The following CSMD1 variants were observed in gnomAD, a reference collection of about 807,000 sequenced individuals.
The protein encoded by CSMD1 is CUB and Sushi multiple domains 1, also known as CUB and sushi domain-containing protein 1.
In CSMD1, 213 loss-of-function variants were observed where a neutral mutation model predicts 417.5. That is an observed-to-expected ratio of 0.51 (90% CI 0.46 to 0.57). The LOEUF is 0.57. CSMD1 is among the 20% of genes least tolerant of loss of function. The probability of loss-of-function intolerance (pLI) is 0.00; values close to 1 mark genes in which losing one functional copy is unlikely to be tolerated. For synonymous variants in CSMD1, 2,862 were observed against 1,736.8 expected, an observed-to-expected ratio of 1.65 and a Z score of -16.11; for missense variants, 6,923 against 4,529.7, an observed-to-expected ratio of 1.53 and a Z score of -15.17.
intron 1 of CSMD1, among the ~76,000 whole-genome samples, chr8:4,862,691 A>G (rs992404593): frequency 3.3e-5 from 5 of 152,088 alleles, no homozygotes; most frequent in African/African-American, 9.7e-5. Context: ...TTACTGAGAT[A>G]AGCAAGGCCA....
At chr8:3,909,753 C>T (rs1254009912) in intron 5 of CSMD1, among the ~76,000 whole-genome samples, 1 of 152,098 alleles carries the variant, frequency 6.6e-6, no homozygotes, top group East Asian at 1.9e-4. Flanking sequence ...GGTCTTGACT[C>T]TGGAGCTAAT....
intron 3 of CSMD1, among the ~76,000 whole-genome samples, chr8:4,333,783 C>G (rs557946658): frequency 4.6e-5 from 7 of 152,244 alleles, no homozygotes; most frequent in East Asian, 1.9e-4. Flanking sequence ...TGACCTGGGT[C>G]TGCCCCTGGA....
chr8:4,128,628 C>G (rs1245056661), intron 3 of CSMD1, among the ~76,000 whole-genome samples: 1 of 152,148 alleles, frequency 6.6e-6, no homozygotes, highest in Non-Finnish European at 1.5e-5. Context: ...GCTTTTTCCT[C>G]TTGAAGCTTT....
In CSMD1 at chr8:4,443,975, G is replaced by A. The variant is rs115056407; in HGVS notation, c.303-23910C>T. ...TGTGATATAATTACCTGTGATATGA[G>A]GTGAAAATGTACAAACGGAGTAAGA... On this transcript the variant is annotated intron_variant, in intron 2 of 69. Coordinates refer to ENST00000635120, the MANE Select transcript of CSMD1 (RefSeq NM_033225.6). Among the ~76,000 whole-genome samples, 793 of 152,206 alleles carry A rather than the reference G, an allele frequency of 5.2e-3. 4 individuals carry two copies. Among genetic ancestry groups the A allele is most frequent in the African/African-American group, 0.018 (743 of 41,524 alleles).
intron 3 of CSMD1, among the ~76,000 whole-genome samples, chr8:4,417,804 G>T (rs1163455889): frequency 6.6e-6 from 1 of 151,816 alleles, no homozygotes; most frequent in African/African-American, 2.4e-5. Context: ...ATATATACAT[G>T]TACAAATTGG....
At chr8:3,155,150 A>C (rs951148570) in intron 39 of CSMD1, among the ~76,000 whole-genome samples, 1 of 152,044 alleles carries the variant, frequency 6.6e-6, no homozygotes, top group Non-Finnish European at 1.5e-5. Flanking sequence ...TATGTAATAC[A>C]AAGTGACAGC....
At position 3,488,308 on chromosome 8, in the gene CSMD1, C is replaced by T. The variant is rs564267038; in HGVS notation, c.1448+5315G>A. ...TTTTTTGTAGAGACGGAGTTTCATCCTGTTGCCCAGGTTGGTCTCAAACTT... is the reference window on the plus strand; with the variant it reads ...TTTTTTGTAGAGACGGAGTTTCATCTTGTTGCCCAGGTTGGTCTCAAACTT... On this transcript the variant is annotated intron_variant, in intron 11 of 69. Coordinates refer to ENST00000635120, the MANE Select transcript of CSMD1 (RefSeq NM_033225.6). 1.0e-3 allele frequency among the ~76,000 whole-genome samples: 155 copies of T among 152,066 alleles called. 1 individual carries two copies. The highest frequency in any genetic ancestry group is 3.4e-3 in the African/African-American group (141 of 41,498).
At chr8:4,103,361 A>G (rs1338188983) in intron 3 of CSMD1, among the ~76,000 whole-genome samples, 2 of 151,634 alleles carry the variant, frequency 1.3e-5, no homozygotes, top group African/African-American at 2.4e-5. Flanking sequence ...TTTGAATTCC[A>G]GATCTCCAAT....
chr8:4,161,125 A>G (rs1020090258), intron 3 of CSMD1, among the ~76,000 whole-genome samples: 1 of 152,092 alleles, frequency 6.6e-6, no homozygotes, highest in African/African-American at 2.4e-5. Context: ...ATAATGTAAA[A>G]AAAAAAAAGT....
In CSMD1 at chr8:3,784,116, T is replaced by C. The variant is rs142666994; in HGVS notation, c.819-30074A>G. On this transcript the variant is annotated intron_variant, in intron 5 of 69. Transcript: ENST00000635120. ...CATTAGTGTGTTTGGACAATAATAATTACAAATTCTTTTTCCTCTCTCTTT... is the reference window on the plus strand; with the variant it reads ...CATTAGTGTGTTTGGACAATAATAACTACAAATTCTTTTTCCTCTCTCTTT... Among the ~76,000 whole-genome samples, 143 of 150,882 alleles carry C rather than the reference T, an allele frequency of 9.5e-4. 2 individuals carry two copies. In the East Asian group the frequency reaches 0.026, roughly 28 times the overall value.
At chr8:3,423,670 C>A (rs763722545) in intron 12 of CSMD1, among the ~76,000 whole-genome samples, 1 of 152,108 alleles carries the variant, frequency 6.6e-6, no homozygotes, top group Non-Finnish European at 1.5e-5. Flanking sequence ...CAGTTTGGGG[C>A]TATTATGAAG....
intron 22 of CSMD1, among the ~76,000 whole-genome samples, chr8:3,347,447 T>C (rs1808089143): frequency 6.6e-6 from 1 of 152,210 alleles, no homozygotes; most frequent in Non-Finnish European, 1.5e-5. Context: ...TGGCTTGGCT[T>C]CTCCTCATCA....
At chr8:3,606,167 G>A (rs773114577) in intron 8 of CSMD1, among the ~76,000 whole-genome samples, 4 of 152,164 alleles carry the variant, frequency 2.6e-5, no homozygotes, top group African/African-American at 9.7e-5. Context: ...GAAGCCAACC[G>A]TGTGGGTGGG....
chr8:3,003,347 T>A (rs529453616), intron 52 of CSMD1, among the ~76,000 whole-genome samples: 13 of 152,306 alleles, frequency 8.5e-5, no homozygotes, highest in Non-Finnish European at 1.2e-4. Context: ...TTAATATCTC[T>A]GATGTAGTCT....
intron 6 of CSMD1, among the ~76,000 whole-genome samples, chr8:3,727,715 C>A (rs1199678923): frequency 6.6e-6 from 1 of 152,180 alleles, no homozygotes; most frequent in East Asian, 1.9e-4. Flanking sequence ...GGCAGAAAGA[C>A]TGTCCATAAA....
At chr8:3,826,428 C>G (rs1802058728) in intron 5 of CSMD1, among the ~76,000 whole-genome samples, 1 of 152,172 alleles carries the variant, frequency 6.6e-6, no homozygotes, top group African/African-American at 2.4e-5. Flanking sequence ...AGGGAGACCG[C>G]TCTTCTGGGC....
At chr8:3,081,688 G>T (rs552085189) in intron 49 of CSMD1, among the ~76,000 whole-genome samples, 260 of 152,172 alleles carry the variant, frequency 1.7e-3, no homozygotes, top group Non-Finnish European at 2.6e-3. Flanking sequence ...TTTATTTTGT[G>T]GTAGAGCTGC....
intron 10 of CSMD1, among the ~76,000 whole-genome samples, chr8:3,524,884 T>C (rs1009471775): frequency 2.1e-5 from 3 of 141,008 alleles, no homozygotes; most frequent in African/African-American, 8.9e-5. Flanking sequence ...TAAGAACAAA[T>C]TTTTGGTGGA....
At chr8:4,024,752 T>G (rs1796974962) in intron 4 of CSMD1, among the ~76,000 whole-genome samples, 1 of 152,184 alleles carries the variant, frequency 6.6e-6, no homozygotes, top group Non-Finnish European at 1.5e-5. Flanking sequence ...GGCCGCTCTG[T>G]GAAGTACGGC....
Sources: allele counts gnomAD v4.1 joint callset (sites outside exome capture counted in the v4.1 genomes callset), GRCh38; gene constraint gnomAD v4.1.1; transcripts MANE v1.5; gene names NCBI Gene and HGNC (gene_info 2026-07-23, HGNC 2026-07-21).